TBC1D23: variants seen among roughly 807,000 people sequenced by gnomAD.
TBC1D23 encodes the protein HCV non-structural protein 4A-transactivated protein 1.
TBC1D23 carries 55 observed loss-of-function variants against 91.4 expected under a neutral mutation model. The observed-to-expected ratio is 0.60, with a 90% CI of 0.48 to 0.75. TBC1D23 has a LOEUF of 0.75. Among genes scored for constraint, TBC1D23 ranks in the 30% least tolerant of loss-of-function variants. The pLI is 0.00. For missense variants in TBC1D23, 725 were observed against 836.1 expected (o/e 0.87, Z 1.64); for synonymous variants, 289 against 281.0 (o/e 1.03, Z -0.28).
chr3:100,311,959 C>A, intron 15 of TBC1D23, 82 bp downstream of exon 15: 2 of 927,772 alleles, frequency 2.2e-6, no homozygotes, highest in Non-Finnish European at 3.3e-6. Context: ...CTCATGCTGT[C>A]TTGGCTCAAA....
chr3:100,302,809 A>C (rs1344857947), intron 11 of TBC1D23, among the ~76,000 whole-genome samples: 1 of 152,034 alleles, frequency 6.6e-6, no homozygotes, highest in African/African-American at 2.4e-5. Flanking sequence ...TGACATAGTG[A>C]TCTCCGGACC....
At chr3:100,265,288 T>G (rs2067549028) in intron 1 of TBC1D23, among the ~76,000 whole-genome samples, 1 of 152,226 alleles carries the variant, frequency 6.6e-6, no homozygotes, top group Non-Finnish European at 1.5e-5. Flanking sequence ...AGTGTTTTTG[T>G]GAGCTGTGGA....
intron 15 of TBC1D23, among the ~76,000 whole-genome samples, chr3:100,314,091 A>ATTTTTTTTT (rs71299383): frequency 3.1e-4 from 29 of 94,588 alleles, no homozygotes; most frequent in East Asian, 6.7e-4. Context: ...AGGCTACAAA[A>ATTTTTTTTT]TTTTTTTTTT....
intron 1 of TBC1D23, among the ~76,000 whole-genome samples, chr3:100,271,856 G>C (rs1037369711): frequency 6.6e-6 from 1 of 152,192 alleles, no homozygotes. Flanking sequence ...CCTAATGTTG[G>C]GAATTTGCAG....
rs567286504 is a variant in TBC1D23, at chr3:100,261,827, G to A, written c.53+756G>A. On this transcript the variant is annotated intron_variant, in intron 1 of 18. Transcript: ENST00000394144. ...AAAGGCTTCTACTTTTGAAATAGTTGATCTCACGATACACTGTTAGGTTGT... is the reference window on the plus strand; with the variant it reads ...AAAGGCTTCTACTTTTGAAATAGTTAATCTCACGATACACTGTTAGGTTGT... Among the ~76,000 whole-genome samples the A allele has an allele frequency of 8.3e-4, 127 of 152,316 alleles. 1 individual carries two copies. In the South Asian group the frequency reaches 0.025, roughly 30 times the overall value.
intron 1 of TBC1D23, among the ~76,000 whole-genome samples, chr3:100,277,607 GAA>G (rs2067660607): frequency 6.6e-6 from 1 of 152,122 alleles, no homozygotes; most frequent in East Asian, 1.9e-4. Flanking sequence ...ACTTCAAAAA[GAA>G]AAGGATTTTG....
At chr3:100,281,941 A>G in intron 3 of TBC1D23, 94 bp downstream of exon 3, 1 of 674,996 alleles carries the variant, frequency 1.5e-6, no homozygotes, top group Non-Finnish European at 2.5e-6. Context: ...TAATTTCAGA[A>G]TTTGTAAAAG....
At chr3:100,308,845 T>C (rs923249921) in intron 13 of TBC1D23, among the ~76,000 whole-genome samples, 1 of 152,214 alleles carries the variant, frequency 6.6e-6, no homozygotes, top group African/African-American at 2.4e-5. Context: ...TGGCAGAAAA[T>C]AGGATCACTT....
At chr3:100,262,747 A>T (rs1476549067) in intron 1 of TBC1D23, among the ~76,000 whole-genome samples, 1 of 146,952 alleles carries the variant, frequency 6.8e-6, no homozygotes. Flanking sequence ...AAAAAAAAAC[A>T]CTAAAAAGAA....
chr3:100,305,413 G>C (rs771915624), intron 12 of TBC1D23, among the ~76,000 whole-genome samples: 4 of 152,080 alleles, frequency 2.6e-5, no homozygotes, highest in Non-Finnish European at 4.4e-5. Flanking sequence ...CAAGTATTGA[G>C]AATTTTACTT....
intron 13 of TBC1D23, among the ~76,000 whole-genome samples, chr3:100,309,002 C>A (rs1048306755): frequency 5.9e-5 from 9 of 152,120 alleles, no homozygotes; most frequent in Admixed American, 1.3e-4. Context: ...AGATGAATCA[C>A]CTGAGGTCAG....
chr3:100,283,575 C>CA (rs1368684238), intron 3 of TBC1D23, 32 bp from the exon 4 acceptor site: 1 of 1,530,758 alleles, frequency 6.5e-7, no homozygotes, highest in East Asian at 2.3e-5. Context: ...GACAGGCCCT[C>CA]AGTAACTTTA....
chr3:100,279,688 T>C lies in TBC1D23; in HGVS notation c.93T>C (p.Cys31=). The change falls in exon 2 of 19, where the codon TGT becomes TGC. Residue 31 remains cysteine (C), a synonymous_variant. Transcript: ENST00000394144. Reference sequence around the variant, plus strand: ...AAGAAGCTCTGGAAGCAGGAGGTTGTGATCTTGAAACGTTGAGAAATATAA... The same window carrying C: ...AAGAAGCTCTGGAAGCAGGAGGTTGCGATCTTGAAACGTTGAGAAATATAA... ...DLEEALEAGG[C]DLETLRNIIQ... is the part of the protein sequence containing the mutation. 6.2e-7 allele frequency: 1 copy of C among 1,609,318 alleles called. No homozygotes were observed. The highest frequency in any genetic ancestry group is 2.2e-5 in the East Asian group (1 of 44,774).
chr3:100,301,889 GATAC>G (rs1705440256), intron 10 of TBC1D23, 174 bp from the exon 11 acceptor site: 2 of 551,668 alleles, frequency 3.6e-6, no homozygotes, highest in Non-Finnish European at 6.3e-6. Flanking sequence ...TTGTATTATA[GATAC>G]ATTTATAAAT....
chr3:100,274,388 C>T (rs892884670), intron 1 of TBC1D23, among the ~76,000 whole-genome samples: 2 of 151,982 alleles, frequency 1.3e-5, no homozygotes, highest in African/African-American at 4.8e-5. Context: ...TTTTATAATA[C>T]GTTAAATAGA....
chr3:100,271,710 G>C (rs553667701), intron 1 of TBC1D23, among the ~76,000 whole-genome samples: 1 of 152,324 alleles, frequency 6.6e-6, no homozygotes, highest in African/African-American at 2.4e-5. Context: ...GCTGGGTAAG[G>C]AGTCTGAAGT....
At chr3:100,265,304 C>T (rs891879281) in intron 1 of TBC1D23, among the ~76,000 whole-genome samples, 1 of 152,130 alleles carries the variant, frequency 6.6e-6, no homozygotes. Context: ...GTGGAATTGT[C>T]TGTTGGTATA....
At chr3:100,264,532 A>G (rs888312814) in intron 1 of TBC1D23, among the ~76,000 whole-genome samples, 1 of 152,224 alleles carries the variant, frequency 6.6e-6, no homozygotes, top group African/African-American at 2.4e-5. Flanking sequence ...GTTTGAGAAC[A>G]TCGATTACTT....
At chr3:100,312,461 A>G (rs1313439852) in intron 15 of TBC1D23, among the ~76,000 whole-genome samples, 1 of 152,104 alleles carries the variant, frequency 6.6e-6, no homozygotes, top group East Asian at 1.9e-4. Flanking sequence ...ATTTTTTTCT[A>G]GGTAGTTGAT....
Sources: allele counts gnomAD v4.1 joint callset (sites outside exome capture counted in the v4.1 genomes callset), GRCh38; gene constraint gnomAD v4.1.1; transcripts MANE v1.5; gene names NCBI Gene and HGNC (gene_info 2026-07-23, HGNC 2026-07-21).